MTUS2: variants seen among roughly 807,000 people sequenced by gnomAD.
MTUS2 encodes microtubule-associated tumor suppressor candidate 2.
Under a neutral mutation model 114.1 loss-of-function variants are expected in MTUS2, and 40 were observed. The ratio of observed to expected loss-of-function variants is 0.35; its 90% CI spans 0.27 to 0.46. The LOEUF is 0.46. Ranked by LOEUF, MTUS2 falls within the 20% of genes least tolerant of loss-of-function variation. The pLI is 1.00. For missense variants in MTUS2, 1,679 were observed against 1,705.4 expected, an observed-to-expected ratio of 0.98 and a Z score of 0.27; for synonymous variants, 688 against 672.0, an observed-to-expected ratio of 1.02 and a Z score of -0.37.
chr13:29,125,558 T>C (rs1891477969), intron 5 of MTUS2, among the ~76,000 whole-genome samples: 1 of 152,262 alleles, frequency 6.6e-6, no homozygotes, highest in Non-Finnish European at 1.5e-5. Flanking sequence ...CTGTGCTGTT[T>C]CTACATGAAC....
chr13:28,905,321 C>T lies in MTUS2; in HGVS notation c.-243+65471C>T, dbSNP rs146438354. 4.9e-3 allele frequency among the ~76,000 whole-genome samples: 747 copies of T among 151,668 alleles called. 22 individuals are homozygous for T. The highest frequency in any genetic ancestry group is 0.017 in the African/African-American group (710 of 41,166). ...ATAGGAGTGGTGACAGAGGGCATCC[C>T]TGTCTTGTGCCTCTTTTCGAAGGGA... On this transcript the variant is annotated intron_variant, in intron 2 of 15. Coordinates refer to ENST00000612955, the MANE Select transcript of MTUS2 (RefSeq NM_001033602.4).
At chr13:28,997,812 A>G (rs1291615398) in intron 2 of MTUS2, among the ~76,000 whole-genome samples, 1 of 152,038 alleles carries the variant, frequency 6.6e-6, no homozygotes, top group Non-Finnish European at 1.5e-5. Flanking sequence ...TTTCCTGAAT[A>G]CAGCACAATG....
At position 29,025,206 on chromosome 13, in the gene MTUS2, G is replaced by A; in HGVS notation, c.508G>A (p.Glu170Lys). The A allele has an allele frequency of 1.2e-6, 2 of 1,613,974 alleles. No homozygotes were observed. The highest frequency in any genetic ancestry group is 1.7e-6 in the Non-Finnish European group (2 of 1,179,894). ...KDKLAKTLDN[E>K]ELRRHSLERA... ...TAAACTGGCAAAGACCCTTGACAAT[G>A]AGGAACTGAGGAGGCATTCTTTGGA... The change falls in exon 3 of 16, where the codon GAG becomes AAG. Residue 170 changes from glutamate to lysine, a missense_variant. Glu to Lys is a moderately conservative substitution (Grantham distance 56). Coordinates refer to ENST00000612955, the MANE Select transcript of MTUS2 (RefSeq NM_001033602.4).
At chr13:29,017,891 CAT>C (rs1326710845) in intron 2 of MTUS2, among the ~76,000 whole-genome samples, 1 of 152,142 alleles carries the variant, frequency 6.6e-6, no homozygotes, top group East Asian at 1.9e-4. Context: ...GAATAAGACA[CAT>C]GTAACGATAA....
At chr13:29,144,046 T>A (rs906669846) in intron 5 of MTUS2, among the ~76,000 whole-genome samples, 2 of 152,210 alleles carry the variant, frequency 1.3e-5, no homozygotes, top group African/African-American at 2.4e-5. Flanking sequence ...GTCAGACAGT[T>A]GTGCTAAACA....
At position 29,307,414 on chromosome 13, in the gene MTUS2, G is replaced by A. The variant is rs150823487; in HGVS notation, c.2807-17199G>A. ...GAACATCATCCCTGCCCCTAGTGAC[G>A]CTGCCAAGGCTGTGGCCAAGGTCAT... On this transcript the variant is annotated intron_variant, in intron 6 of 15. Coordinates refer to ENST00000612955, the MANE Select transcript of MTUS2 (RefSeq NM_001033602.4). 5.0e-4 allele frequency: 591 copies of A among 1,193,928 alleles called. 3 individuals are homozygous for A. In the East Asian group the frequency reaches 0.012, roughly 25 times the overall value. The allele number at this position is 1,193,928 out of a possible 1,614,324, so 74.0% of individuals were successfully genotyped here.
intron 4 of MTUS2, among the ~76,000 whole-genome samples, chr13:29,050,334 T>G (rs1159323039): frequency 6.6e-6 from 1 of 152,120 alleles, no homozygotes; most frequent in African/African-American, 2.4e-5. Context: ...CTGCATGGAC[T>G]CATCTCAACA....
intron 9 of MTUS2, among the ~76,000 whole-genome samples, chr13:29,455,689 G>A (rs1174230445): frequency 6.6e-6 from 1 of 152,136 alleles, no homozygotes; most frequent in Non-Finnish European, 1.5e-5. Context: ...CAGTAGAAAT[G>A]GGTATTGAGG....
At chr13:29,158,358 C>CCCCCCCCCCTCT in intron 5 of MTUS2, among the ~76,000 whole-genome samples, 1 of 32,048 alleles carries the variant, frequency 3.1e-5, no homozygotes, top group African/African-American at 2.1e-4. Flanking sequence ...GTCCACCCCG[C>CCCCCCCCCCTCT]TTTTTTTTTT....
At position 29,359,345 on chromosome 13, in the gene MTUS2, C is replaced by T. The variant is rs779873037; in HGVS notation, c.2989C>T (p.Leu997=). ...GCAGGCCCGTGAGGCTGAGCGGCAG[C>T]TGGTGCTGCGGCTGAAGGAGCGGTG... ...DPQAREAERQ[L]VLRLKERCEQ... The change falls in exon 8 of 16, where the codon CTG becomes TTG. Residue 997 remains leucine (L), a synonymous_variant. Transcript: ENST00000612955. 1.2e-6 allele frequency: 2 copies of T among 1,611,898 alleles called. No individual in the cohort carries two copies. The highest frequency in any genetic ancestry group is 4.5e-5 in the East Asian group (2 of 44,824).
intron 5 of MTUS2, among the ~76,000 whole-genome samples, chr13:29,101,467 C>T (rs995185950): frequency 6.6e-6 from 1 of 152,158 alleles, no homozygotes; most frequent in Non-Finnish European, 1.5e-5. Flanking sequence ...AAGTCCATGC[C>T]CAGGAAGATC....
intron 5 of MTUS2, among the ~76,000 whole-genome samples, chr13:29,127,815 G>A (rs998135274): frequency 3.3e-5 from 5 of 152,216 alleles, no homozygotes; most frequent in African/African-American, 1.2e-4. Flanking sequence ...CCATAGCTTA[G>A]TTAATATTGA....
intron 6 of MTUS2, among the ~76,000 whole-genome samples, chr13:29,311,275 G>T (rs1199127656): frequency 6.6e-6 from 1 of 152,202 alleles, no homozygotes; most frequent in South Asian, 2.1e-4. Context: ...GAAAGGCGGG[G>T]TTGAGACCTG....
intron 3 of MTUS2, among the ~76,000 whole-genome samples, chr13:29,031,270 G>GTGTGGT (rs1555287201): frequency 1.3e-4 from 3 of 22,402 alleles, no homozygotes; most frequent in African/African-American, 3.4e-4. Context: ...GTGTGTGTGT[G>GTGTGGT]GTGTGTGTTC....
chr13:29,033,838 A>G (rs1480051388), intron 3 of MTUS2, 47 bp from the exon 4 acceptor site: 2 of 1,609,142 alleles, frequency 1.2e-6, no homozygotes, highest in East Asian at 2.2e-5. Flanking sequence ...TAGAACTCAC[A>G]CTATGATGTG....
At chr13:29,240,512 C>T (rs1478567994) in intron 5 of MTUS2, among the ~76,000 whole-genome samples, 2 of 152,192 alleles carry the variant, frequency 1.3e-5, no homozygotes, top group African/African-American at 4.8e-5. Flanking sequence ...ATGTTGACTC[C>T]CACTTTTGCT....
chr13:29,253,731 G>A (rs1203427830), intron 5 of MTUS2, among the ~76,000 whole-genome samples: 4 of 152,158 alleles, frequency 2.6e-5, no homozygotes, highest in African/African-American at 9.7e-5. Flanking sequence ...AGAAAAAGAG[G>A]TTTAATGGAC....
chr13:29,282,850 A>T (rs1282654812), intron 6 of MTUS2, among the ~76,000 whole-genome samples: 1 of 152,222 alleles, frequency 6.6e-6, no homozygotes, highest in Non-Finnish European at 1.5e-5. Flanking sequence ...AATGTAGGTC[A>T]TAGAAATACC....
rs1418539981 is a variant in MTUS2, at chr13:28,922,885, C to A, written c.-243+83035C>A. On this transcript the variant is annotated intron_variant, in intron 2 of 15. Transcript: ENST00000612955. ...TTGGGGGAACAAATCGTGTAGACTT[C>A]TATTCGGCCATCTTGCTCTGTTCCA... Among the ~76,000 whole-genome samples, 6 of 152,320 alleles carry A rather than the reference C, an allele frequency of 3.9e-5. No homozygotes were observed. The South Asian group carries it at 6.2e-4, about 16-fold the overall frequency.
Sources: allele counts gnomAD v4.1 joint callset (sites outside exome capture counted in the v4.1 genomes callset), GRCh38; gene constraint gnomAD v4.1.1; transcripts MANE v1.5; gene names NCBI Gene and HGNC (gene_info 2026-07-23, HGNC 2026-07-21).